The following MTUS2 variants were observed in gnomAD, a reference collection of about 807,000 sequenced individuals.
The protein encoded by MTUS2 is microtubule associated scaffold protein 2.
MTUS2 carries 40 observed loss-of-function variants against 114.1 expected under a neutral mutation model. That is an observed-to-expected ratio of 0.35 (90% CI 0.27 to 0.46). The LOEUF (loss-of-function observed/expected upper bound fraction) is 0.46. Among genes scored for constraint, MTUS2 ranks in the 20% least tolerant of loss-of-function variants. MTUS2 has a pLI of 1.00. For synonymous variants in MTUS2, 688 were observed against 672.0 expected, an observed-to-expected ratio of 1.02 and a Z score of -0.37; for missense variants, 1,679 against 1,705.4, an observed-to-expected ratio of 0.98 and a Z score of 0.27.
At chr13:29,058,285 G>A (rs7339409) in intron 4 of MTUS2, among the ~76,000 whole-genome samples, 86,712 of 149,802 alleles carry the variant, frequency 0.58, 25,503 homozygotes, top group South Asian at 0.73. Context: ...AGTGTCTTAC[G>A]AGGGTTCTCT....
chr13:29,418,136 A>C (rs1875810012), intron 8 of MTUS2, among the ~76,000 whole-genome samples: 1 of 152,160 alleles, frequency 6.6e-6, no homozygotes, highest in African/African-American at 2.4e-5. Context: ...CTCGGGCATT[A>C]GTGTCAGTTT....
chr13:28,875,685 A>G (rs893486453), intron 2 of MTUS2, among the ~76,000 whole-genome samples: 1 of 152,228 alleles, frequency 6.6e-6, no homozygotes, highest in Non-Finnish European at 1.5e-5. Flanking sequence ...TCTCAAGAAT[A>G]TTGATGACCA....
At chr13:29,452,574 A>ATATGTG (rs1443231559) in intron 9 of MTUS2, among the ~76,000 whole-genome samples, 3 of 130,260 alleles carry the variant, frequency 2.3e-5, no homozygotes, top group African/African-American at 9.2e-5. Flanking sequence ...ATATATATAT[A>ATATGTG]TGTGTGTGTG....
At chr13:28,898,509 A>G (rs543478117) in intron 2 of MTUS2, among the ~76,000 whole-genome samples, 10 of 152,318 alleles carry the variant, frequency 6.6e-5, no homozygotes, top group African/African-American at 2.2e-4. Flanking sequence ...TTCTGAATCC[A>G]TTGTAAAGCA....
chr13:28,874,105 G>A (rs555101723), intron 2 of MTUS2, among the ~76,000 whole-genome samples: 6 of 152,082 alleles, frequency 3.9e-5, no homozygotes, highest in South Asian at 2.1e-4. Flanking sequence ...TGCAACCTCC[G>A]CCTCCTGGGT....
intron 5 of MTUS2, among the ~76,000 whole-genome samples, chr13:29,183,741 G>C (rs1289434946): frequency 1.3e-5 from 2 of 152,174 alleles, no homozygotes; most frequent in African/African-American, 2.4e-5. Flanking sequence ...GAAGCTAAAT[G>C]AAAACAAATT....
At chr13:29,015,342 G>T (rs1886021519) in intron 2 of MTUS2, among the ~76,000 whole-genome samples, 1 of 152,176 alleles carries the variant, frequency 6.6e-6, no homozygotes, top group Non-Finnish European at 1.5e-5. Flanking sequence ...ATTAGGAAGA[G>T]TTTTTCAAGA....
At chr13:29,293,613 A>G (rs1012246351) in intron 6 of MTUS2, among the ~76,000 whole-genome samples, 4 of 152,138 alleles carry the variant, frequency 2.6e-5, no homozygotes, top group South Asian at 2.1e-4. Flanking sequence ...TGTTCAAGCA[A>G]TAATGATATA....
chr13:29,021,263 T>A (rs951693025), intron 2 of MTUS2, among the ~76,000 whole-genome samples: 2 of 152,216 alleles, frequency 1.3e-5, no homozygotes, highest in Non-Finnish European at 2.9e-5. Context: ...TGAGATACTG[T>A]CTCAATTTTT....
intron 2 of MTUS2, among the ~76,000 whole-genome samples, chr13:28,904,246 C>T (rs1209510308): frequency 6.6e-6 from 1 of 152,180 alleles, no homozygotes; most frequent in African/African-American, 2.4e-5. Flanking sequence ...TTTTGCTGTG[C>T]AGAAGCTCTT....
chr13:29,410,150 A>G (rs1472810303), intron 8 of MTUS2, among the ~76,000 whole-genome samples: 1 of 149,470 alleles, frequency 6.7e-6, no homozygotes, highest in African/African-American at 2.5e-5. Context: ...TTGAGACAGA[A>G]TTTCATTCTT....
chr13:29,436,902 C>T (rs1403787116), intron 8 of MTUS2, among the ~76,000 whole-genome samples: 4 of 151,954 alleles, frequency 2.6e-5, no homozygotes, highest in Admixed American at 2.6e-4. Flanking sequence ...ACAGGGAAGG[C>T]CTGACCACAA....
chr13:28,907,151 TA>T (rs1406216178), intron 2 of MTUS2, among the ~76,000 whole-genome samples: 1 of 151,424 alleles, frequency 6.6e-6, no homozygotes, highest in African/African-American at 2.4e-5. Flanking sequence ...CCAGCCAAAC[TA>T]AGCTTCATAA....
chr13:28,869,813 C>T (rs888038924), intron 2 of MTUS2, among the ~76,000 whole-genome samples: 6 of 152,106 alleles, frequency 3.9e-5, no homozygotes, highest in Admixed American at 1.3e-4. Context: ...AAACCAAAAG[C>T]GAAGTGAGCA....
intron 2 of MTUS2, among the ~76,000 whole-genome samples, chr13:28,940,461 A>T (rs936626595): frequency 2.0e-5 from 3 of 152,164 alleles, no homozygotes; most frequent in Admixed American, 2.0e-4. Flanking sequence ...TTGTGGGGAG[A>T]AGGGGCGTGG....
intron 9 of MTUS2, among the ~76,000 whole-genome samples, chr13:29,474,974 C>T (rs1318160012): frequency 6.6e-6 from 1 of 152,120 alleles, no homozygotes; most frequent in Non-Finnish European, 1.5e-5. Context: ...ATAATTTTTT[C>T]CCATGCAAAA....
chr13:28,848,867 A>G (rs1198835922), intron 2 of MTUS2, among the ~76,000 whole-genome samples: 1 of 152,154 alleles, frequency 6.6e-6, no homozygotes, highest in Non-Finnish European at 1.5e-5. Context: ...AGCATCTAAC[A>G]GATAAAGGCC....
At chr13:29,231,499 C>T (rs1269190482) in intron 5 of MTUS2, among the ~76,000 whole-genome samples, 6 of 152,158 alleles carry the variant, frequency 3.9e-5, no homozygotes, top group South Asian at 2.1e-4. Flanking sequence ...TTGTCCTGCA[C>T]GTTTTGCACT....
chr13:28,880,287 G>A (rs1566194446), intron 2 of MTUS2, among the ~76,000 whole-genome samples: 1 of 152,096 alleles, frequency 6.6e-6, no homozygotes, highest in Non-Finnish European at 1.5e-5. Context: ...TATCACTCCA[G>A]GCTAATGAGG....
Sources: gnomAD v4.1 joint callset for allele counts (sites outside exome capture counted in the v4.1 genomes callset) on GRCh38, gnomAD v4.1.1 for gene constraint, MANE v1.5 for transcripts, NCBI Gene and HGNC (gene_info 2026-07-23, HGNC 2026-07-21) for gene names.